Variants in AUTS2 observed in about 807,000 individuals in gnomAD.
AUTS2 encodes activator of transcription and developmental regulator AUTS2.
Under a neutral mutation model 112.4 loss-of-function variants are expected in AUTS2, and 17 were observed. That is an observed-to-expected ratio of 0.15 (90% CI 0.10 to 0.23). AUTS2 has a LOEUF of 0.23. Ranked by LOEUF, AUTS2 falls within the 10% of genes least tolerant of loss-of-function variation. AUTS2 has a pLI of 1.00. For synonymous variants in AUTS2, 751 were observed against 702.7 expected (o/e 1.07, Z -1.09); for missense variants, 1,510 against 1,701.6 (o/e 0.89, Z 1.98).
chr7:70,720,335 T>C (rs1786556722), intron 6 of AUTS2, among the ~76,000 whole-genome samples: 2 of 152,220 alleles, frequency 1.3e-5, no homozygotes, highest in Admixed American at 1.3e-4. Flanking sequence ...GGGAATACTG[T>C]TAGGGTATGA....
At chr7:70,735,056 T>G (rs1427356589) in intron 6 of AUTS2, among the ~76,000 whole-genome samples, 1 of 152,108 alleles carries the variant, frequency 6.6e-6, no homozygotes, top group African/African-American at 2.4e-5. Context: ...GCGTTCTCAT[T>G]TTATAAGACC....
intron 4 of AUTS2, among the ~76,000 whole-genome samples, chr7:70,397,235 T>C (rs1390762301): frequency 6.6e-6 from 1 of 152,112 alleles, no homozygotes; most frequent in Non-Finnish European, 1.5e-5. Flanking sequence ...GGCTAATTTT[T>C]TGTATTTTTA....
At chr7:70,094,664 G>T (rs926234662) in intron 2 of AUTS2, among the ~76,000 whole-genome samples, 1 of 152,142 alleles carries the variant, frequency 6.6e-6, no homozygotes, top group African/African-American at 2.4e-5. Flanking sequence ...GTATGGAAAT[G>T]GCTCATTGGT....
At chr7:70,181,796 CTTTTT>C (rs35077931) in intron 4 of AUTS2, among the ~76,000 whole-genome samples, 1 of 110,158 alleles carries the variant, frequency 9.1e-6, no homozygotes, top group Non-Finnish European at 1.8e-5. Flanking sequence ...GCTGAGCTAA[CTTTTT>C]TTTTTTTTTT....
At chr7:70,060,134 T>C (rs1039076981) in intron 2 of AUTS2, among the ~76,000 whole-genome samples, 9 of 152,234 alleles carry the variant, frequency 5.9e-5, no homozygotes, top group African/African-American at 1.9e-4. Context: ...TTTTGACATT[T>C]AGGGACCATA....
chr7:70,507,441 TTTG>T (rs925629223), intron 5 of AUTS2, among the ~76,000 whole-genome samples: 45 of 152,238 alleles, frequency 3.0e-4, no homozygotes, highest in African/African-American at 1.1e-3. Context: ...AGTAATTCTT[TTTG>T]TTGTTGTTTT....
chr7:69,960,385 G>A (rs1350882685), intron 2 of AUTS2, among the ~76,000 whole-genome samples: 1 of 152,126 alleles, frequency 6.6e-6, no homozygotes, highest in Non-Finnish European at 1.5e-5. Flanking sequence ...TAAATAATGT[G>A]TTGTGTGTGG....
At chr7:70,566,434 A>T (rs937165439) in intron 5 of AUTS2, among the ~76,000 whole-genome samples, 4 of 152,216 alleles carry the variant, frequency 2.6e-5, no homozygotes, top group African/African-American at 9.7e-5. Flanking sequence ...ATGTATAATT[A>T]CATTTTTATA....
intron 1 of AUTS2, among the ~76,000 whole-genome samples, chr7:69,783,920 G>A (rs573239763): frequency 2.0e-4 from 30 of 152,264 alleles, no homozygotes; most frequent in African/African-American, 6.5e-4. Context: ...TCTTGAGTCA[G>A]TAATGCATTT....
chr7:70,636,736 T>G (rs1805553417), intron 5 of AUTS2, among the ~76,000 whole-genome samples: 1 of 151,266 alleles, frequency 6.6e-6, no homozygotes, highest in South Asian at 2.1e-4. Context: ...AGCCTCAAAC[T>G]CCTGGGCTCA....
At chr7:70,068,526 T>G (rs1024722655) in intron 2 of AUTS2, among the ~76,000 whole-genome samples, 1 of 152,180 alleles carries the variant, frequency 6.6e-6, no homozygotes, top group African/African-American at 2.4e-5. Context: ...ATTACACTTA[T>G]GATAAAAATT....
intron 2 of AUTS2, among the ~76,000 whole-genome samples, chr7:70,061,084 T>G (rs1209678365): frequency 6.6e-6 from 1 of 152,240 alleles, no homozygotes; most frequent in East Asian, 1.9e-4. Flanking sequence ...GAATTTTATC[T>G]GGCTCTAGCA....
chr7:69,959,195 GT>G (rs1385726924), intron 2 of AUTS2, among the ~76,000 whole-genome samples: 3 of 151,930 alleles, frequency 2.0e-5, no homozygotes, highest in Non-Finnish European at 2.9e-5. Flanking sequence ...TTACCTTCCT[GT>G]TTTTCAAAAC....
At chr7:69,720,104 T>C (rs928550372) in intron 1 of AUTS2, among the ~76,000 whole-genome samples, 26 of 152,238 alleles carry the variant, frequency 1.7e-4, no homozygotes, top group African/African-American at 6.0e-4. Context: ...TGTAAGTAAT[T>C]TGGCATGGTA....
At chr7:70,454,501 C>T (rs57868632) in intron 5 of AUTS2, among the ~76,000 whole-genome samples, 1 of 152,266 alleles carries the variant, frequency 6.6e-6, no homozygotes, top group East Asian at 1.9e-4. Flanking sequence ...CACGCCATTG[C>T]ACTCCACCCT....
chr7:69,862,000 A>G (rs1278463689), intron 1 of AUTS2, among the ~76,000 whole-genome samples: 2 of 152,202 alleles, frequency 1.3e-5, no homozygotes, highest in Non-Finnish European at 2.9e-5. Context: ...TTTGAATTTA[A>G]CATTGAACAT....
At chr7:70,281,088 T>C (rs1788193569) in intron 4 of AUTS2, among the ~76,000 whole-genome samples, 1 of 152,186 alleles carries the variant, frequency 6.6e-6, no homozygotes, top group South Asian at 2.1e-4. Context: ...TGATAAAAGA[T>C]CCAAACTATG....
At chr7:70,035,977 A>G (rs955276199) in intron 2 of AUTS2, among the ~76,000 whole-genome samples, 1 of 152,244 alleles carries the variant, frequency 6.6e-6, no homozygotes, top group African/African-American at 2.4e-5. Flanking sequence ...TGGAAGAAGT[A>G]CAGATAACAC....
chr7:69,624,791 CA>C (rs1443496521), intron 1 of AUTS2, among the ~76,000 whole-genome samples: 1 of 152,176 alleles, frequency 6.6e-6, no homozygotes, highest in Non-Finnish European at 1.5e-5. Context: ...AAAAGTATAC[CA>C]GAGGCCTGTT....
Sources: gnomAD v4.1 joint callset for allele counts (sites outside exome capture counted in the v4.1 genomes callset) on GRCh38, gnomAD v4.1.1 for gene constraint, MANE v1.5 for transcripts, NCBI Gene and HGNC (gene_info 2026-07-23, HGNC 2026-07-21) for gene names.